The following PCNX2 variants were observed in gnomAD, a reference collection of about 807,000 sequenced individuals.
PCNX2 encodes pecanex-like protein 2.
A neutral mutation model predicts 223.8 loss-of-function variants in PCNX2; 168 were observed. That is an observed-to-expected ratio of 0.75 (90% CI 0.66 to 0.85). The LOEUF is 0.85. Among genes scored for constraint, PCNX2 ranks in the 40% least tolerant of loss-of-function variants. The pLI is 0.00. For missense variants in PCNX2, 2,507 were observed against 2,675.5 expected, an observed-to-expected ratio of 0.94 and a Z score of 1.39; for synonymous variants, 1,006 against 1,052.6, an observed-to-expected ratio of 0.96 and a Z score of 0.86.
chr1:232,998,484 CA>C lies in PCNX2; in HGVS notation c.5604-47del, dbSNP rs764826101. 7 of 1,592,820 alleles carry C rather than the reference CA, an allele frequency of 4.4e-6. No homozygotes were observed. In the South Asian group the frequency reaches 7.9e-5, roughly 18 times the overall value. Reference sequence around the variant, plus strand: ...TTGAGGATTCTCAGCAACACACTTCCAATCCCCCTAAATGCACCACCATGGC... The same window carrying C: ...TTGAGGATTCTCAGCAACACACTTCCATCCCCCTAAATGCACCACCATGGC... On this transcript the variant is annotated intron_variant, in intron 31 of 33. Transcript: ENST00000258229.
chr1:233,062,287 G>T (rs1265808658), intron 23 of PCNX2, among the ~76,000 whole-genome samples: 1 of 151,942 alleles, frequency 6.6e-6, no homozygotes, highest in East Asian at 1.9e-4. Flanking sequence ...TTGTGCATGT[G>T]TGTATATATT....
rs1657795278 is a variant in PCNX2 at position 233,227,241 on chromosome 1, A to T, written c.2489T>A (p.Leu830Gln). ...AGTGGCTTACCGATCAAGTAATGCC[A>T]GCAAGGTCAGTCGATCATACCAGAC... is the stretch of plus-strand genomic sequence containing the variant. Reference protein sequence around the residue: ...IKVWYDRLTLLALLDRTEDIK... With the variant: ...IKVWYDRLTLQALLDRTEDIK... Residue 830 changes from leucine (L) to glutamine (Q), a missense_variant, in exon 10 of 34, where the codon CTG (leucine) becomes CAG (glutamine). Physicochemically the swap from Leu to Gln is moderately radical, Grantham distance 113 (BLOSUM62 -2). Transcript: ENST00000258229. The T allele has an allele frequency of 6.2e-7, 1 of 1,612,722 alleles. No homozygotes were observed. The highest frequency in any genetic ancestry group is 8.5e-7 in the Non-Finnish European group (1 of 1,179,268).
At position 233,258,053 on chromosome 1, in the gene PCNX2, C is replaced by T. The variant is rs372601534; in HGVS notation, c.1809G>A (p.Gln603=). ...ASSQLNGSAE[Q]NEESGLLRDN... ...CTCGGAGAAGCCCACTTTCTTCATT[C>T]TGCTCAGCTGAGCCATTCAGTTGAC... is the stretch of plus-strand genomic sequence containing the variant. The change falls in exon 5 of 34, where the codon CAG becomes CAA. Residue 603 remains glutamine, a synonymous_variant. Transcript: ENST00000258229. 64 of 1,613,318 alleles carry T rather than the reference C, an allele frequency of 4.0e-5. No individual in the cohort carries two copies. Among genetic ancestry groups the T allele is most frequent in the Non-Finnish European group, 5.3e-5 (62 of 1,179,438 alleles).
chr1:233,250,674 A>G, intron 8 of PCNX2, 65 bp downstream of exon 8: 1 of 1,497,844 alleles, frequency 6.7e-7, no homozygotes, highest in Middle Eastern at 1.7e-4. Context: ...TCCTCACTTT[A>G]TCTTCATCGC....
At chr1:233,178,029 T>C in intron 16 of PCNX2, 131 bp from the exon 17 acceptor site, 1 of 663,682 alleles carries the variant, frequency 1.5e-6, no homozygotes, top group Admixed American at 2.9e-5. Flanking sequence ...AAATTTATAA[T>C]AAAAAGAGGT....
intron 26 of PCNX2, chr1:233,018,909 C>A (rs1042099814): frequency 3.0e-6 from 3 of 985,356 alleles, no homozygotes; most frequent in Non-Finnish European, 3.6e-6. Context: ...AAGCAGAAAA[C>A]GAATATTGGG....
chr1:233,011,340 AC>A (rs1037870518), intron 28 of PCNX2, among the ~76,000 whole-genome samples: 1 of 152,222 alleles, frequency 6.6e-6, no homozygotes, highest in Non-Finnish European at 1.5e-5. Flanking sequence ...TACAAATTCA[AC>A]ATCCTTTCTT....
At position 233,095,742 on chromosome 1, in the gene PCNX2, G is replaced by A; in HGVS notation, c.3946+13C>T. The A allele has an allele frequency of 6.4e-7, 1 of 1,570,850 alleles. No individual in the cohort carries two copies. The highest frequency in any genetic ancestry group is 8.7e-7 in the Non-Finnish European group (1 of 1,147,688). ...TCTCAGCTGGAGGGTGAAAATAGAA[G>A]CAGAAAGGATACGAGGAATGGCAAA... On this transcript the variant is annotated intron_variant, in intron 22 of 33. Coordinates refer to ENST00000258229, the MANE Select transcript of PCNX2 (RefSeq NM_014801.4).
At chr1:233,167,230 T>C (rs1177003611) in intron 17 of PCNX2, among the ~76,000 whole-genome samples, 1 of 152,182 alleles carries the variant, frequency 6.6e-6, no homozygotes, top group African/African-American at 2.4e-5. Context: ...AGAGACATCC[T>C]GCCATTTGCC....
intron 23 of PCNX2, among the ~76,000 whole-genome samples, chr1:233,085,072 C>T (rs1284398176): frequency 6.6e-6 from 1 of 152,142 alleles, no homozygotes; most frequent in Non-Finnish European, 1.5e-5. Context: ...TGGTGGCTCA[C>T]GCCTGTAATC....
In PCNX2 at chr1:233,156,488, C is replaced by T. The variant is rs529584012; in HGVS notation, c.3517+3795G>A. ...CCGTGAGCACTGGAGGAGGAGTATG[C>T]GCTAGCTGACATGGAGCTCAGTCTA... On this transcript the variant is annotated intron_variant, in intron 19 of 33. Coordinates refer to ENST00000258229, the MANE Select transcript of PCNX2 (RefSeq NM_014801.4). Among the ~76,000 whole-genome samples, 9 of 152,252 alleles carry T rather than the reference C, an allele frequency of 5.9e-5. No individual in the cohort carries two copies. The East Asian group carries it at 1.4e-3, about 23-fold the overall frequency.
At chr1:233,308,653 CTA>C in the PCNX2 span, among the ~76,000 whole-genome samples, 1 of 151,890 alleles carries the variant, frequency 6.6e-6, no homozygotes, top group Non-Finnish European at 1.5e-5. Context: ...AGAAGTGAAA[CTA>C]AACTATTTTT....
At chr1:233,104,031 G>A (rs982436062) in intron 21 of PCNX2, among the ~76,000 whole-genome samples, 2 of 151,974 alleles carry the variant, frequency 1.3e-5, no homozygotes, top group Non-Finnish European at 2.9e-5. Context: ...GCACTAAAGG[G>A]CTAGAAACAC....
At chr1:233,012,976 G>C (rs756499172) in intron 28 of PCNX2, among the ~76,000 whole-genome samples, 3 of 152,280 alleles carry the variant, frequency 2.0e-5, no homozygotes, top group East Asian at 1.9e-4. Flanking sequence ...TAAGGAGCCC[G>C]ATCTTAGGGG....
At chr1:233,045,064 G>A (rs754190706) in intron 25 of PCNX2, among the ~76,000 whole-genome samples, 24 of 152,238 alleles carry the variant, frequency 1.6e-4, no homozygotes, top group Non-Finnish European at 3.2e-4. Flanking sequence ...ATTCTTTTGG[G>A]CTATCCAAGA....
chr1:233,074,784 A>G (rs911193178), intron 23 of PCNX2, among the ~76,000 whole-genome samples: 3 of 152,124 alleles, frequency 2.0e-5, no homozygotes, highest in African/African-American at 7.2e-5. Context: ...CATTTCACTG[A>G]AGAGACTATA....
intron 23 of PCNX2, among the ~76,000 whole-genome samples, chr1:233,082,464 T>C (rs1673405098): frequency 6.6e-6 from 1 of 152,074 alleles, no homozygotes; most frequent in Admixed American, 6.5e-5. Context: ...ATCGAACAAA[T>C]AAAAATGTGT....
At chr1:233,218,985 G>A (rs896906191) in intron 10 of PCNX2, among the ~76,000 whole-genome samples, 3 of 152,120 alleles carry the variant, frequency 2.0e-5, no homozygotes, top group African/African-American at 7.2e-5. Flanking sequence ...GGAGAGTTGA[G>A]GGTGAGCTGC....
chr1:233,037,179 T>A (rs1159473977), intron 25 of PCNX2, among the ~76,000 whole-genome samples: 3 of 152,236 alleles, frequency 2.0e-5, no homozygotes, highest in African/African-American at 7.2e-5. Flanking sequence ...TATAGTTACA[T>A]GACTAAGGCC....
Sources: gnomAD v4.1 joint callset for allele counts (sites outside exome capture counted in the v4.1 genomes callset) on GRCh38, gnomAD v4.1.1 for gene constraint, MANE v1.5 for transcripts, NCBI Gene and HGNC (gene_info 2026-07-23, HGNC 2026-07-21) for gene names.